Variants in KHDRBS2 observed in about 807,000 individuals in gnomAD.
KHDRBS2 encodes the protein KH RNA binding domain containing, signal transduction associated 2, also known as KH domain-containing, RNA-binding, signal transduction-associated protein 2.
A neutral mutation model predicts 44.3 loss-of-function variants in KHDRBS2; 26 were observed. That is an observed-to-expected ratio of 0.59 (90% CI 0.43 to 0.81). The LOEUF is 0.81. Among genes scored for constraint, KHDRBS2 ranks in the 40% least tolerant of loss-of-function variants. The pLI is 0.00. For missense variants in KHDRBS2, 476 were observed against 433.1 expected (o/e 1.10, Z -0.88); for synonymous variants, 194 against 151.1 (o/e 1.28, Z -2.08).
chr6:61,721,108 T>G (rs1214887820), intron 7 of KHDRBS2, among the ~76,000 whole-genome samples: 1 of 152,004 alleles, frequency 6.6e-6, no homozygotes, highest in Non-Finnish European at 1.5e-5. Flanking sequence ...GCATTATTTC[T>G]GAGGGCTCTG....
At chr6:62,106,474 G>A (rs180976671) in intron 2 of KHDRBS2, among the ~76,000 whole-genome samples, 1 of 152,214 alleles carries the variant, frequency 6.6e-6, no homozygotes, top group East Asian at 1.9e-4. Flanking sequence ...TGTATTGGGT[G>A]CATACATATT....
chr6:61,757,130 T>C (rs1049914054), intron 6 of KHDRBS2, among the ~76,000 whole-genome samples: 8 of 152,168 alleles, frequency 5.3e-5, no homozygotes, highest in Non-Finnish European at 1.0e-4. Context: ...TGAAAAAATA[T>C]GTATATTCTG....
intron 6 of KHDRBS2, among the ~76,000 whole-genome samples, chr6:61,856,395 C>G (rs1796154367): frequency 6.6e-6 from 1 of 152,094 alleles, no homozygotes; most frequent in Non-Finnish European, 1.5e-5. Context: ...ATGCAATAGT[C>G]ACTTACTTAT....
intron 4 of KHDRBS2, among the ~76,000 whole-genome samples, chr6:61,950,186 C>A (rs763860094): frequency 6.6e-6 from 1 of 152,016 alleles, no homozygotes; most frequent in African/African-American, 2.4e-5. Context: ...TGTGAAAATG[C>A]TATTTTGTTG....
At chr6:61,596,797 G>A in the KHDRBS2 span, among the ~76,000 whole-genome samples, 1 of 152,152 alleles carries the variant, frequency 6.6e-6, no homozygotes, top group East Asian at 1.9e-4. Context: ...GACTACAGGT[G>A]CATGCCACCA....
intron 2 of KHDRBS2, among the ~76,000 whole-genome samples, chr6:62,152,858 CT>C (rs1815519534): frequency 6.6e-6 from 1 of 152,168 alleles, no homozygotes; most frequent in Non-Finnish European, 1.5e-5. Context: ...GGGACTATAA[CT>C]TAGATCTGAA....
intron 6 of KHDRBS2, among the ~76,000 whole-genome samples, chr6:61,856,613 CAG>C (rs1796193774): frequency 6.6e-6 from 1 of 151,174 alleles, no homozygotes; most frequent in Non-Finnish European, 1.5e-5. Context: ...TTTTATTTTG[CAG>C]AGTTTCTTTT....
At chr6:61,750,492 A>T (rs1176275582) in intron 6 of KHDRBS2, among the ~76,000 whole-genome samples, 1 of 152,088 alleles carries the variant, frequency 6.6e-6, no homozygotes, top group African/African-American at 2.4e-5. Context: ...TGCTGTTCTT[A>T]TATTTACTGC....
the KHDRBS2 span, among the ~76,000 whole-genome samples, chr6:61,674,929 A>G: frequency 2.6e-5 from 4 of 151,762 alleles, no homozygotes; most frequent in Admixed American, 2.0e-4. Flanking sequence ...AATAGAGTAC[A>G]TATTTTTGGA....
At chr6:62,127,877 G>T (rs1809344076) in intron 2 of KHDRBS2, among the ~76,000 whole-genome samples, 1 of 152,028 alleles carries the variant, frequency 6.6e-6, no homozygotes, top group Admixed American at 6.6e-5. Flanking sequence ...TCATCTAATT[G>T]GTTCATTTAT....
intron 2 of KHDRBS2, among the ~76,000 whole-genome samples, chr6:62,103,526 C>T (rs759695864): frequency 5.3e-4 from 81 of 152,026 alleles, no homozygotes; most frequent in African/African-American, 1.6e-3. Flanking sequence ...TCTTAGCCTG[C>T]GAAAGCAGGG....
At chr6:61,617,039 A>C in the KHDRBS2 span, among the ~76,000 whole-genome samples, 253 of 152,240 alleles carry the variant, frequency 1.7e-3, 1 homozygote, top group African/African-American at 5.7e-3. Flanking sequence ...ACTAAGTTCC[A>C]GTTGAGGCTA....
chr6:62,236,826 A>G (rs1833784482), intron 1 of KHDRBS2, among the ~76,000 whole-genome samples: 2 of 152,326 alleles, frequency 1.3e-5, no homozygotes, highest in East Asian at 3.9e-4. Flanking sequence ...CGTAACTTAC[A>G]GTACCAGAAG....
intron 3 of KHDRBS2, among the ~76,000 whole-genome samples, chr6:62,045,752 T>C (rs1414287484): frequency 1.3e-5 from 2 of 151,966 alleles, no homozygotes; most frequent in Non-Finnish European, 2.9e-5. Context: ...ATGTAAAATC[T>C]TCTTTCCTGT....
chr6:62,205,857 GGAAAT>G (rs1827869665), intron 1 of KHDRBS2, among the ~76,000 whole-genome samples: 1 of 152,062 alleles, frequency 6.6e-6, no homozygotes, highest in Admixed American at 6.6e-5. Flanking sequence ...AACTGTGACA[GGAAAT>G]GAAAGCGAAA....
intron 3 of KHDRBS2, among the ~76,000 whole-genome samples, chr6:61,996,802 G>C (rs114451552): frequency 2.6e-3 from 163 of 62,050 alleles, no homozygotes; most frequent in South Asian, 4.0e-3. Context: ...TCACCCCCCC[G>C]AGATAGAGTC....
chr6:61,586,752 C>G, the KHDRBS2 span, among the ~76,000 whole-genome samples: 1 of 151,942 alleles, frequency 6.6e-6, no homozygotes, highest in Non-Finnish European at 1.5e-5. Flanking sequence ...ATAAAGCCAG[C>G]CCAGAAAAAA....
the KHDRBS2 span, among the ~76,000 whole-genome samples, chr6:61,601,606 T>A: frequency 5.3e-5 from 8 of 152,112 alleles, no homozygotes; most frequent in East Asian, 3.9e-4. Context: ...CCCTAGTCTC[T>A]GTTCCCAATG....
chr6:62,026,879 T>A (rs1384795011), intron 3 of KHDRBS2, among the ~76,000 whole-genome samples: 2 of 152,098 alleles, frequency 1.3e-5, no homozygotes, highest in African/African-American at 4.8e-5. Context: ...TCAGCCTAAT[T>A]TTTTTTATTA....
Sources: gnomAD v4.1 joint callset for allele counts (sites outside exome capture counted in the v4.1 genomes callset) on GRCh38, gnomAD v4.1.1 for gene constraint, MANE v1.5 for transcripts, NCBI Gene and HGNC (gene_info 2026-07-23, HGNC 2026-07-21) for gene names.